The following RAD54L2 variants were observed in gnomAD, a reference collection of about 807,000 sequenced individuals.
RAD54L2 encodes the protein helicase ARIP4.
Under a neutral mutation model 138.4 loss-of-function variants are expected in RAD54L2, and 27 were observed. The observed-to-expected ratio is 0.20, with a 90% CI of 0.14 to 0.27. RAD54L2 has a LOEUF of 0.27. RAD54L2 is among the 10% of genes least tolerant of loss of function. The pLI is 1.00. For synonymous variants in RAD54L2, 644 were observed against 723.2 expected, an observed-to-expected ratio of 0.89 and a Z score of 1.76; for missense variants, 1,396 against 1,890.2, an observed-to-expected ratio of 0.74 and a Z score of 4.85.
chr3:51,631,000 G>A (rs893079335), intron 7 of RAD54L2, 69 bp downstream of exon 7: 2 of 1,447,498 alleles, frequency 1.4e-6, no homozygotes, highest in Non-Finnish European at 1.9e-6. Flanking sequence ...GCCTGCTGGT[G>A]GTTATTAGCG....
intron 3 of RAD54L2, 150 bp from the exon 4 acceptor site, chr3:51,627,403 A>G: frequency 1.4e-6 from 1 of 717,780 alleles, no homozygotes; most frequent in African/African-American, 1.8e-5. Flanking sequence ...TTGTAGATAC[A>G]TCCACTGATG....
chr3:51,583,318 C>A (rs1290598510), intron 2 of RAD54L2, among the ~76,000 whole-genome samples: 1 of 152,064 alleles, frequency 6.6e-6, no homozygotes, highest in East Asian at 1.9e-4. Flanking sequence ...GAGCCTCACA[C>A]AGAAATGTAG....
In RAD54L2 at chr3:51,641,795, C is replaced by T. The variant is rs965401623; in HGVS notation, c.2278C>T (p.Arg760Ter). 3 of 1,600,702 alleles carry T rather than the reference C, an allele frequency of 1.9e-6. No homozygotes were observed. The highest frequency in any genetic ancestry group is 2.6e-6 in the Non-Finnish European group (3 of 1,173,472). The part of the protein sequence containing the change: ...LALIEEFLGK[R>*]EVPCPPGTEG... Reference sequence around the variant, plus strand: ...TCTCATCGAGGAATTCCTTGGAAAACGAGAAGTACCCTGTCCACCTGGTAC... The same window carrying T: ...TCTCATCGAGGAATTCCTTGGAAAATGAGAAGTACCCTGTCCACCTGGTAC... Residue 760 changes from arginine to a stop codon, truncating the protein, a stop_gained, in exon 15 of 23, where the codon CGA becomes TGA. Coordinates refer to ENST00000684192, the MANE Select transcript of RAD54L2 (RefSeq NM_015106.4). LOFTEE classifies it high-confidence loss of function.
At chr3:51,568,143 T>C (rs1465041741) in intron 2 of RAD54L2, among the ~76,000 whole-genome samples, 2 of 152,048 alleles carry the variant, frequency 1.3e-5, no homozygotes, top group Non-Finnish European at 2.9e-5. Flanking sequence ...TTAGTATGGC[T>C]GAGTGGCAGC....
At chr3:51,588,713 A>C (rs1699767945) in intron 2 of RAD54L2, among the ~76,000 whole-genome samples, 1 of 152,120 alleles carries the variant, frequency 6.6e-6, no homozygotes, top group African/African-American at 2.4e-5. Context: ...AATGGCCTTT[A>C]CAGCTAATAG....
chr3:51,657,719 G>A, intron 21 of RAD54L2, 50 bp downstream of exon 21: 1 of 1,306,978 alleles, frequency 7.7e-7, no homozygotes, highest in Non-Finnish European at 1.1e-6. Context: ...GAGAGTGCTG[G>A]GCTGGGAAGA....
At chr3:51,644,123 A>T (rs1044705302) in intron 16 of RAD54L2, 149 bp downstream of exon 16, 1 of 649,196 alleles carries the variant, frequency 1.5e-6, no homozygotes. Context: ...TTCAAAAGGA[A>T]ATTAGGTTAG....
At chr3:51,603,134 T>G (rs1451428328) in intron 3 of RAD54L2, among the ~76,000 whole-genome samples, 1 of 126,482 alleles carries the variant, frequency 7.9e-6, no homozygotes, top group African/African-American at 3.1e-5. Flanking sequence ...AAGACCTCAT[T>G]ACTACTACAA....
chr3:51,553,200 C>T (rs1476167146), intron 2 of RAD54L2, among the ~76,000 whole-genome samples: 1 of 152,136 alleles, frequency 6.6e-6, no homozygotes, highest in Non-Finnish European at 1.5e-5. Flanking sequence ...GCCTCAGCCT[C>T]CCAAGTAGCT....
In RAD54L2 at chr3:51,629,428, G is replaced by T. The variant is rs773956525; in HGVS notation, c.436G>T (p.Asp146Tyr). The T allele has an allele frequency of 6.2e-7, 1 of 1,612,166 alleles. No individual in the cohort carries two copies. Among genetic ancestry groups the T allele is most frequent in the Non-Finnish European group, 8.5e-7 (1 of 1,179,184 alleles). The change falls in exon 5 of 23, where the codon GAT becomes TAT. Residue 146 changes from aspartate to tyrosine, a missense_variant. By Grantham distance (160) the Asp-to-Tyr change is radical. Coordinates refer to ENST00000684192, the MANE Select transcript of RAD54L2 (RefSeq NM_015106.4). Reference sequence around the variant, plus strand: ...GAAGCGCCTGGAGCAGCAGAGGAAAGATTATGCAGCCCCTATTCCTACTGT... The same window carrying T: ...GAAGCGCCTGGAGCAGCAGAGGAAATATTATGCAGCCCCTATTCCTACTGT... ...RRKRLEQQRK[D>Y]YAAPIPTVPL... is the part of the protein sequence containing the mutation.
At chr3:51,587,770 C>A (rs988997132) in intron 2 of RAD54L2, among the ~76,000 whole-genome samples, 1 of 152,042 alleles carries the variant, frequency 6.6e-6, no homozygotes, top group Non-Finnish European at 1.5e-5. Context: ...TTCAAATTAT[C>A]TGAAGCTTAG....
chr3:51,603,080 T>G (rs1700109820), intron 3 of RAD54L2, among the ~76,000 whole-genome samples: 1 of 145,868 alleles, frequency 6.9e-6, no homozygotes, highest in Non-Finnish European at 1.5e-5. Context: ...GGCAGGAGGA[T>G]CAGTTGAGGT....
chr3:51,547,784 G>A (rs1052881239), intron 2 of RAD54L2, among the ~76,000 whole-genome samples: 1 of 152,028 alleles, frequency 6.6e-6, no homozygotes, highest in African/African-American at 2.4e-5. Flanking sequence ...GTTTTGCCAT[G>A]TTACCCAGGC....
intron 19 of RAD54L2, among the ~76,000 whole-genome samples, chr3:51,649,704 A>G (rs1440476635): frequency 1.3e-5 from 2 of 152,210 alleles, no homozygotes; most frequent in African/African-American, 4.8e-5. Context: ...ACTAAGCTTC[A>G]TAAGTGAAGG....
chr3:51,559,961 G>A (rs1202312008), intron 2 of RAD54L2, among the ~76,000 whole-genome samples: 1 of 152,196 alleles, frequency 6.6e-6, no homozygotes, highest in East Asian at 1.9e-4. Flanking sequence ...GGATTTGTTT[G>A]TGATGTGCTG....
Position 51,641,883 on chromosome 3 carries a change from C to T in RAD54L2, c.2350+16C>T, listed in dbSNP as rs375328703. On this transcript the variant is annotated intron_variant, in intron 15 of 22. Coordinates refer to ENST00000684192, the MANE Select transcript of RAD54L2 (RefSeq NM_015106.4). ...AGCTACTTCCGTGAGTTCATTGTTGCGTTGTTCTTGAAGCCTTGGCAAGGT... is the reference window on the plus strand; with the variant it reads ...AGCTACTTCCGTGAGTTCATTGTTGTGTTGTTCTTGAAGCCTTGGCAAGGT... 61 of 1,538,796 alleles carry T rather than the reference C, an allele frequency of 4.0e-5. No homozygotes were observed. In the South Asian group the frequency reaches 5.9e-4, roughly 15 times the overall value.
intron 18 of RAD54L2, 64 bp from the exon 19 acceptor site, chr3:51,646,220 TA>T: frequency 6.9e-7 from 1 of 1,452,506 alleles, no homozygotes; most frequent in Non-Finnish European, 9.4e-7. Flanking sequence ...TTCTTGGTCC[TA>T]AAGTAAGGCT....
intron 2 of RAD54L2, among the ~76,000 whole-genome samples, chr3:51,587,559 T>A (rs1345169753): frequency 1.3e-5 from 2 of 152,158 alleles, no homozygotes; most frequent in Non-Finnish European, 2.9e-5. Flanking sequence ...AATGCAAAAA[T>A]TTAAATTTTA....
At chr3:51,661,557 A>G (rs1263422054) in intron 22 of RAD54L2, among the ~76,000 whole-genome samples, 2 of 152,260 alleles carry the variant, frequency 1.3e-5, no homozygotes, top group African/African-American at 4.8e-5. Context: ...GCACATGAAC[A>G]GTGTTAAGAA....
Sources: allele counts gnomAD v4.1 joint callset (sites outside exome capture counted in the v4.1 genomes callset), GRCh38; gene constraint gnomAD v4.1.1; transcripts MANE v1.5; gene names NCBI Gene and HGNC (gene_info 2026-07-23, HGNC 2026-07-21).